The following ZNF578 variants were observed in gnomAD, a reference collection of about 807,000 sequenced individuals.
The protein encoded by ZNF578 is zinc finger protein 578.
A neutral mutation model predicts 8.3 loss-of-function variants in ZNF578; 8 were observed. The ratio of observed to expected loss-of-function variants is 0.96; its 90% confidence interval spans 0.56 to 1.74. The LOEUF is 1.74. Ranked by LOEUF, ZNF578 falls within the 40% of genes most tolerant of loss-of-function variation. The pLI is 0.00. For synonymous variants in ZNF578, 206 were observed against 232.2 expected (o/e 0.89, Z 1.03); for missense variants, 726 against 707.5 (o/e 1.03, Z -0.30).
In ZNF578 at chr19:52,516,051, G is replaced by T. The variant is rs1323139101; in HGVS notation, c.*3897G>T. Among the ~76,000 whole-genome samples, 2 of 152,084 alleles carry T rather than the reference G, an allele frequency of 1.3e-5. No homozygotes were observed. Among genetic ancestry groups the T allele is most frequent in the African/African-American group, 4.8e-5 (2 of 41,388 alleles). On this transcript the variant is annotated 3_prime_UTR_variant, in exon 6 of 6. Transcript: ENST00000421239. ...TCCTGGCAGCTTGCCCTCATCTCAT[G>T]ACTCCCTCTGCCCCAGTCACATTTG...
At chr19:52,506,280 G>A (rs1160121041) in intron 5 of ZNF578, among the ~76,000 whole-genome samples, 1 of 151,782 alleles carries the variant, frequency 6.6e-6, no homozygotes, top group African/African-American at 2.4e-5. Context: ...ATCTGTCGAT[G>A]GATATCTGGG....
chr19:52,495,547 A>G (rs1220802899), intron 3 of ZNF578, among the ~76,000 whole-genome samples: 5 of 151,624 alleles, frequency 3.3e-5, no homozygotes, highest in Non-Finnish European at 7.4e-5. Flanking sequence ...GGAGAGAGAA[A>G]GTGAAAAAGG....
chr19:52,505,070 A>G (rs566581539), intron 5 of ZNF578, among the ~76,000 whole-genome samples: 2 of 152,212 alleles, frequency 1.3e-5, no homozygotes, highest in South Asian at 4.1e-4. Flanking sequence ...TATTTTTAGT[A>G]GAGATGGGGT....
intron 2 of ZNF578, among the ~76,000 whole-genome samples, chr19:52,481,813 CTTGACCTGCTAGGCTCAAGCAAT>C (rs2059327425): frequency 6.6e-6 from 1 of 152,168 alleles, no homozygotes; most frequent in South Asian, 2.1e-4. Context: ...TAACTGCAGC[CTTGACCTGCTAGGCTCAAGCAAT>C]CCTCCTACTT....
chr19:52,492,610 A>G (rs907630460), intron 3 of ZNF578, among the ~76,000 whole-genome samples: 1 of 152,144 alleles, frequency 6.6e-6, no homozygotes, highest in Non-Finnish European at 1.5e-5. Context: ...ATCATGCCTC[A>G]ACCTTCCTGG....
chr19:52,466,049 C>G (rs1211151811), intron 2 of ZNF578, among the ~76,000 whole-genome samples: 1 of 152,192 alleles, frequency 6.6e-6, no homozygotes, highest in East Asian at 1.9e-4. Context: ...AAGGTAGGAG[C>G]CTGCAAAAGG....
intron 3 of ZNF578, among the ~76,000 whole-genome samples, chr19:52,499,216 G>C (rs1350686814): frequency 1.3e-5 from 2 of 152,212 alleles, no homozygotes. Flanking sequence ...ACAAAATACA[G>C]TGTGTGACTT....
At chr19:52,503,340 C>T (rs2059414041) in intron 4 of ZNF578, among the ~76,000 whole-genome samples, 1 of 152,022 alleles carries the variant, frequency 6.6e-6, no homozygotes, top group Non-Finnish European at 1.5e-5. Flanking sequence ...GACAGCCAGC[C>T]CGGCTGGACT....
At chr19:52,489,049 C>G (rs1335425116) in intron 2 of ZNF578, among the ~76,000 whole-genome samples, 1 of 151,580 alleles carries the variant, frequency 6.6e-6, no homozygotes, top group Non-Finnish European at 1.5e-5. Flanking sequence ...CAGTGAGCCA[C>G]GATCGCACCA....
At chr19:52,480,897 A>G (rs1329386521) in intron 2 of ZNF578, among the ~76,000 whole-genome samples, 2 of 121,026 alleles carry the variant, frequency 1.7e-5, no homozygotes, top group Non-Finnish European at 3.3e-5. Context: ...CTCCATCTCA[A>G]AAGATAATAA....
intron 2 of ZNF578, among the ~76,000 whole-genome samples, chr19:52,465,624 G>A (rs926407265): frequency 6.6e-6 from 1 of 152,028 alleles, no homozygotes; most frequent in Non-Finnish European, 1.5e-5. Context: ...CAATTCCAAA[G>A]TTCCCTCTTT....
chr19:52,505,130 G>A (rs749777541), intron 5 of ZNF578, among the ~76,000 whole-genome samples: 2 of 152,070 alleles, frequency 1.3e-5, no homozygotes, highest in South Asian at 2.1e-4. Flanking sequence ...CAGGTGATCC[G>A]CCCACCTTGG....
At position 52,495,216 on chromosome 19, in the gene ZNF578, G is replaced by C. The variant is rs771684782; in HGVS notation, c.-20+3791G>C. Among the ~76,000 whole-genome samples the C allele has an allele frequency of 1.5e-5, 2 of 135,344 alleles. 1 individual carries two copies. Among genetic ancestry groups the C allele is most frequent in the Non-Finnish European group, 3.3e-5 (2 of 60,292 alleles). The allele number at this position is 135,344 out of a possible 152,430, so 88.8% of individuals were successfully genotyped here. A position where few individuals can be genotyped will look rare whatever the true frequency, so the allele number is the denominator to read the frequency against. ...TTTCACTCCTGTTGCCCAGGCTGGA[G>C]TGCAAGGGCACGATCTTGGCTAATG... On this transcript the variant is annotated intron_variant, in intron 3 of 5. Coordinates refer to ENST00000421239, the MANE Select transcript of ZNF578 (RefSeq NM_001099694.2).
At chr19:52,478,865 C>T (rs926343791) in intron 2 of ZNF578, among the ~76,000 whole-genome samples, 11 of 152,044 alleles carry the variant, frequency 7.2e-5, no homozygotes, top group African/African-American at 2.7e-4. Flanking sequence ...AGGTGCCGGC[C>T]ACCAGTCAAG....
At chr19:52,478,858 T>C (rs886478732) in intron 2 of ZNF578, among the ~76,000 whole-genome samples, 5 of 151,952 alleles carry the variant, frequency 3.3e-5, no homozygotes, top group African/African-American at 1.2e-4. Flanking sequence ...GGACTACAGG[T>C]GCCGGCCACC....
At chr19:52,469,827 A>G (rs761018385) in intron 2 of ZNF578, among the ~76,000 whole-genome samples, 2 of 152,160 alleles carry the variant, frequency 1.3e-5, no homozygotes, top group Admixed American at 6.5e-5. Context: ...CTTAGCCTCA[A>G]AGCTTCTAAG....
rs2059446604 is a variant in ZNF578, at chr19:52,511,521, T to C, written c.1140T>C (p.Phe380=). 6.2e-7 allele frequency: 1 copy of C among 1,613,732 alleles called. No homozygotes were observed. Among genetic ancestry groups the C allele is most frequent in the Non-Finnish European group, 8.5e-7 (1 of 1,179,740 alleles). ...AGTGTAATGAGTGTGGCAAGATGTTTGGTCAAAATTCAACCCTTGTAATTC... is the reference window on the plus strand; with the variant it reads ...AGTGTAATGAGTGTGGCAAGATGTTCGGTCAAAATTCAACCCTTGTAATTC... ...PYKCNECGKM[F]GQNSTLVIHK... is the part of the protein sequence containing the mutation. Residue 380 remains phenylalanine (F), a synonymous_variant, in exon 6 of 6, where the codon TTT becomes TTC. Transcript: ENST00000421239.
Position 52,498,448 on chromosome 19 carries a change from C to T in ZNF578, c.-19-3379C>T, listed in dbSNP as rs143932082. ...CTTGGTTCATGCCATTCTCCTGCCT[C>T]AGCCTCCGGAGTAGCTGGGACTACA... On this transcript the variant is annotated intron_variant, in intron 3 of 5. Coordinates refer to ENST00000421239, the MANE Select transcript of ZNF578 (RefSeq NM_001099694.2). Among the ~76,000 whole-genome samples the T allele has an allele frequency of 1.4e-3, 210 of 151,900 alleles. 2 individuals are homozygous for T. The East Asian group carries it at 0.027, about 19-fold the overall frequency.
rs1007946602 is a variant in ZNF578 at position 52,512,024 on chromosome 19, T to G, written c.1643T>G (p.Phe548Cys). Reference sequence around the variant, plus strand: ...AAATGTAAGGTTTGTGACAAGGCTTTCATGTGCCATTCTTATCTGGCAAAC... The same window carrying G: ...AAATGTAAGGTTTGTGACAAGGCTTGCATGTGCCATTCTTATCTGGCAAAC... ...PYKCKVCDKA[F>C]MCHSYLANHT... Residue 548 changes from phenylalanine to cysteine, a missense_variant, in exon 6 of 6, where the codon TTC becomes TGC. Transcript: ENST00000421239. The G allele has an allele frequency of 2.5e-6, 4 of 1,614,094 alleles. No homozygotes were observed. Among genetic ancestry groups the G allele is most frequent in the Non-Finnish European group, 3.4e-6 (4 of 1,180,012 alleles).
Sources: gnomAD v4.1 joint callset for allele counts (sites outside exome capture counted in the v4.1 genomes callset) on GRCh38, gnomAD v4.1.1 for gene constraint, MANE v1.5 for transcripts, NCBI Gene and HGNC (gene_info 2026-07-23, HGNC 2026-07-21) for gene names.